The following COBLL1 variants were observed in gnomAD, a reference collection of about 807,000 sequenced individuals.
COBLL1 encodes cordon-bleu WH2 repeat protein like 1.
In COBLL1, 50 loss-of-function variants were observed where a neutral mutation model predicts 94.8. The ratio of observed to expected loss-of-function variants is 0.53; its 90% confidence interval spans 0.42 to 0.67. COBLL1 has a LOEUF of 0.67. Ranked by LOEUF, COBLL1 falls within the 30% of genes least tolerant of loss-of-function variation. COBLL1 has a pLI of 0.00. For missense variants in COBLL1, 1,362 were observed against 1,348.7 expected, an observed-to-expected ratio of 1.01 and a Z score of -0.15; for synonymous variants, 448 against 473.8, an observed-to-expected ratio of 0.95 and a Z score of 0.71.
chr2:164,768,418 T>C (rs1350353925), intron 2 of COBLL1, among the ~76,000 whole-genome samples: 1 of 149,266 alleles, frequency 6.7e-6, no homozygotes, highest in Non-Finnish European at 1.5e-5. Flanking sequence ...ATTATGAGAT[T>C]TTTTTTTTTT....
chr2:164,835,524 A>G (rs1180583595), intron 2 of COBLL1, among the ~76,000 whole-genome samples: 1 of 152,132 alleles, frequency 6.6e-6, no homozygotes, highest in East Asian at 1.9e-4. Flanking sequence ...TTTAATGGGT[A>G]TAGGGTTTCA....
At chr2:164,781,258 C>T (rs971935089) in intron 2 of COBLL1, among the ~76,000 whole-genome samples, 4 of 152,004 alleles carry the variant, frequency 2.6e-5, no homozygotes, top group African/African-American at 9.7e-5. Flanking sequence ...TTTTAGGTAC[C>T]TCATATCCAT....
At chr2:164,665,972 T>C (rs773730392) in intron 1 of COBLL1, 6 of 152,218 alleles carry the variant, frequency 3.9e-5, no homozygotes, top group Non-Finnish European at 7.3e-5. Flanking sequence ...TAGTATATTA[T>C]ATAGTTTCAA....
At chr2:164,675,538 A>T (rs1691321595), downstream of COBLL1, among the ~76,000 whole-genome samples, 1 of 152,212 alleles carries the variant, frequency 6.6e-6, no homozygotes, top group Non-Finnish European at 1.5e-5. Context: ...CAAGAAGTCA[A>T]ACTCATTTCT....
chr2:164,808,216 T>C (rs1481338758), intron 2 of COBLL1, among the ~76,000 whole-genome samples: 1 of 152,238 alleles, frequency 6.6e-6, no homozygotes, highest in Non-Finnish European at 1.5e-5. Flanking sequence ...ACCCAATCTG[T>C]AATTAGTTTT....
chr2:164,725,954 T>A (rs926577495), intron 5 of COBLL1, among the ~76,000 whole-genome samples: 1 of 152,118 alleles, frequency 6.6e-6, no homozygotes, highest in African/African-American at 2.4e-5. Context: ...CAAAATAGTA[T>A]CAGAAAAAAT....
At chr2:164,744,651 C>T (rs1686776677) in intron 2 of COBLL1, among the ~76,000 whole-genome samples, 1 of 152,164 alleles carries the variant, frequency 6.6e-6, no homozygotes, top group South Asian at 2.1e-4. Context: ...GAGACCCTAT[C>T]TCAAAGAATG....
chr2:164,828,541 A>C (rs1685544277), intron 2 of COBLL1, among the ~76,000 whole-genome samples: 1 of 152,202 alleles, frequency 6.6e-6, no homozygotes, highest in African/African-American at 2.4e-5. Context: ...TAGATTGTTA[A>C]GTAAAAAAGC....
Position 164,722,055 on chromosome 2 carries a change from T to C in COBLL1, c.996+20A>G, listed in dbSNP as rs761034495. The stretch of plus-strand genomic sequence containing the variant: ...CACTGCCTCATCCAAAAAAACAAAA[T>C]AGAAAACAAAACTACACACCTTATC... On this transcript the variant is annotated intron_variant, in intron 7 of 13. Transcript: ENST00000652658. The C allele has an allele frequency of 3.3e-6, 5 of 1,536,496 alleles. No individual in the cohort carries two copies. The African/African-American group carries it at 4.2e-5, about 13-fold the overall frequency.
intron 2 of COBLL1, among the ~76,000 whole-genome samples, chr2:164,830,108 C>T (rs1307485975): frequency 6.6e-6 from 1 of 152,196 alleles, no homozygotes; most frequent in Non-Finnish European, 1.5e-5. Flanking sequence ...AAGATGCTGA[C>T]CATGGAATTA....
downstream of COBLL1, among the ~76,000 whole-genome samples, chr2:164,678,539 G>C (rs1202919900): frequency 1.3e-5 from 2 of 152,060 alleles, no homozygotes; most frequent in Non-Finnish European, 2.9e-5. Flanking sequence ...CCTCAGGGTA[G>C]AAAAGGAATC....
At chr2:164,786,429 T>C (rs1688958999) in intron 2 of COBLL1, among the ~76,000 whole-genome samples, 1 of 152,236 alleles carries the variant, frequency 6.6e-6, no homozygotes, top group East Asian at 1.9e-4. Flanking sequence ...CATGGTCTTA[T>C]GGGATATGAA....
intron 2 of COBLL1, among the ~76,000 whole-genome samples, chr2:164,773,372 C>T (rs1291255792): frequency 6.6e-6 from 1 of 152,038 alleles, no homozygotes; most frequent in Non-Finnish European, 1.5e-5. Flanking sequence ...ACATAATGAA[C>T]AGCAGTAGTT....
At chr2:164,794,578 C>G (rs1382290319) in intron 2 of COBLL1, among the ~76,000 whole-genome samples, 1 of 152,032 alleles carries the variant, frequency 6.6e-6, no homozygotes. Context: ...ATTTCGGTGA[C>G]CCTTTACTAG....
At chr2:164,747,005 G>A (rs929235771) in intron 2 of COBLL1, among the ~76,000 whole-genome samples, 1 of 152,088 alleles carries the variant, frequency 6.6e-6, no homozygotes, top group Non-Finnish European at 1.5e-5. Flanking sequence ...CCACACATTT[G>A]CAAATACACA....
In COBLL1 at chr2:164,682,592, G is replaced by A. The variant is rs148031149; in HGVS notation, c.*3354C>T. The A allele has an allele frequency of 6.6e-6, 1 of 152,172 alleles. No individual in the cohort carries two copies. Among genetic ancestry groups the A allele is most frequent in the Admixed American group, 6.6e-5 (1 of 15,264 alleles). The allele number at this position is 152,172 out of a possible 1,614,324, so 9.4% of individuals were successfully genotyped here. A position where few individuals can be genotyped will look rare whatever the true frequency, so the allele number is the denominator to read the frequency against. Reference sequence around the variant, plus strand: ...CAGATCTGGCAGTTCATGAAGAGGTGAAATCGGAAGAAGGGTCACTCCTCA... The same window carrying A: ...CAGATCTGGCAGTTCATGAAGAGGTAAAATCGGAAGAAGGGTCACTCCTCA... On this transcript the variant is annotated 3_prime_UTR_variant, in exon 14 of 14. Transcript: ENST00000652658.
intron 1 of COBLL1, among the ~76,000 whole-genome samples, chr2:164,673,919 T>C (rs1481497450): frequency 6.6e-6 from 1 of 152,244 alleles, no homozygotes; most frequent in Non-Finnish European, 1.5e-5. Flanking sequence ...AGAATGAAGC[T>C]GGCTATTGTC....
chr2:164,827,015 A>AT (rs1185540223), intron 2 of COBLL1, among the ~76,000 whole-genome samples: 1 of 151,514 alleles, frequency 6.6e-6, no homozygotes, highest in Non-Finnish European at 1.5e-5. Flanking sequence ...CAGTGGCATG[A>AT]TTTTGGCTCA....
At chr2:164,768,661 T>C (rs1484466999) in intron 2 of COBLL1, among the ~76,000 whole-genome samples, 1 of 152,126 alleles carries the variant, frequency 6.6e-6, no homozygotes, top group African/African-American at 2.4e-5. Flanking sequence ...CTATCATATA[T>C]CCCTTAGTAA....
Sources: allele counts gnomAD v4.1 joint callset (sites outside exome capture counted in the v4.1 genomes callset), GRCh38; gene constraint gnomAD v4.1.1; transcripts MANE v1.5; gene names NCBI Gene and HGNC (gene_info 2026-07-23, HGNC 2026-07-21).